FAF1: variants seen among roughly 807,000 people sequenced by gnomAD.
FAF1 encodes FAS-associated factor 1.
In FAF1, 25 loss-of-function variants were observed where a neutral mutation model predicts 92.5. The ratio of observed to expected loss-of-function variants is 0.27; its 90% CI spans 0.20 to 0.38. FAF1 has a LOEUF of 0.38. Among genes scored for constraint, FAF1 ranks in the 10% least tolerant of loss-of-function variants. The pLI is 1.00. For synonymous variants in FAF1, 234 were observed against 273.2 expected, an observed-to-expected ratio of 0.86 and a Z score of 1.42; for missense variants, 636 against 793.3, an observed-to-expected ratio of 0.80 and a Z score of 2.38.
In FAF1 at chr1:50,737,250, A is replaced by G. The variant is rs544518817; in HGVS notation, c.551+1613T>C. Among the ~76,000 whole-genome samples the G allele has an allele frequency of 2.6e-5, 4 of 152,304 alleles. No individual in the cohort carries two copies. In the South Asian group the frequency reaches 8.3e-4, roughly 32 times the overall value. Reference sequence around the variant, plus strand: ...CAGCACTGTAGACTCCTGCTTGCCTAGGGAGTGAGTGACTGGCAATCAAAC... The same window carrying G: ...CAGCACTGTAGACTCCTGCTTGCCTGGGGAGTGAGTGACTGGCAATCAAAC... On this transcript the variant is annotated intron_variant, in intron 6 of 18. Transcript: ENST00000396153.
chr1:50,518,875 C>G (rs1242739275), intron 15 of FAF1, among the ~76,000 whole-genome samples: 1 of 152,192 alleles, frequency 6.6e-6, no homozygotes, highest in Non-Finnish European at 1.5e-5. Context: ...GGCTGAACCA[C>G]TTTGTATTCT....
chr1:50,839,050 G>A (rs953982327), intron 2 of FAF1, among the ~76,000 whole-genome samples: 3 of 151,956 alleles, frequency 2.0e-5, no homozygotes, highest in Admixed American at 1.3e-4. Context: ...TTTTTGATGT[G>A]ATCAGAGCAC....
chr1:50,737,193 G>A (rs1263860479), intron 6 of FAF1, among the ~76,000 whole-genome samples: 2 of 152,108 alleles, frequency 1.3e-5, no homozygotes, highest in African/African-American at 4.8e-5. Context: ...GCTAGATAAA[G>A]TACTCATTCT....
chr1:50,757,101 T>C (rs1007763446), intron 4 of FAF1, among the ~76,000 whole-genome samples: 9 of 152,248 alleles, frequency 5.9e-5, no homozygotes, highest in African/African-American at 1.7e-4. Context: ...CTTAATTCCA[T>C]TGTTGCCAGA....
At chr1:50,518,068 C>T (rs563302625) in intron 15 of FAF1, among the ~76,000 whole-genome samples, 2 of 152,272 alleles carry the variant, frequency 1.3e-5, no homozygotes, top group East Asian at 1.9e-4. Context: ...AATCAGGATA[C>T]GAAACAGTTT....
chr1:50,789,356 G>GT (rs1661483420), intron 3 of FAF1, among the ~76,000 whole-genome samples: 1 of 152,134 alleles, frequency 6.6e-6, no homozygotes, highest in Admixed American at 6.5e-5. Flanking sequence ...CTGGTACTTA[G>GT]TAAGATCCCG....
chr1:50,660,404 T>C (rs144526265), intron 7 of FAF1, among the ~76,000 whole-genome samples: 38 of 152,276 alleles, frequency 2.5e-4, no homozygotes, highest in African/African-American at 8.2e-4. Flanking sequence ...ATTTTAAATG[T>C]CATTCAGGTA....
chr1:50,473,801 CAGAGGGGATATTA>C (rs1464219881), intron 18 of FAF1, among the ~76,000 whole-genome samples: 2 of 152,148 alleles, frequency 1.3e-5, no homozygotes, highest in African/African-American at 4.8e-5. Flanking sequence ...TCATTCCACC[CAGAGGGGATATTA>C]CTAGTTTCTG....
chr1:50,600,871 A>G (rs1469506526), intron 8 of FAF1, among the ~76,000 whole-genome samples: 2 of 152,198 alleles, frequency 1.3e-5, no homozygotes, highest in East Asian at 3.8e-4. Context: ...TATTTATATT[A>G]ACATGTAATT....
rs1427864480 is a variant in FAF1 at position 50,564,990 on chromosome 1, C to T, written c.1268+2087G>A. Among the ~76,000 whole-genome samples, 21 of 151,062 alleles carry T rather than the reference C, an allele frequency of 1.4e-4. 1 individual carries two copies. The highest frequency in any genetic ancestry group is 1.4e-3 in the Admixed American group (21 of 15,200). ...TATTACTTGCTTTTTAATTTTTTGA[C>T]ATTTTAAAAAAACTTTTATGTTTGG... On this transcript the variant is annotated intron_variant, in intron 13 of 18. Transcript: ENST00000396153.
intron 1 of FAF1, among the ~76,000 whole-genome samples, chr1:50,887,791 T>A (rs932745511): frequency 6.6e-6 from 1 of 152,230 alleles, no homozygotes; most frequent in Non-Finnish European, 1.5e-5. Flanking sequence ...CTTTGCAGTA[T>A]AGTTTCAAGT....
At chr1:50,949,211 T>G (rs1645195292) in intron 1 of FAF1, among the ~76,000 whole-genome samples, 1 of 152,220 alleles carries the variant, frequency 6.6e-6, no homozygotes, top group Admixed American at 6.5e-5. Flanking sequence ...CCAGACCCAC[T>G]GAGTCAGAAA....
At chr1:50,688,216 T>C (rs530706309) in intron 7 of FAF1, among the ~76,000 whole-genome samples, 1 of 151,730 alleles carries the variant, frequency 6.6e-6, no homozygotes, top group Admixed American at 6.6e-5. Context: ...GGTTAGTACA[T>C]GGAGAAATGG....
intron 7 of FAF1, among the ~76,000 whole-genome samples, chr1:50,694,553 G>A (rs1388532860): frequency 6.8e-6 from 1 of 147,632 alleles, no homozygotes; most frequent in Non-Finnish European, 1.5e-5. Context: ...ACTATAGCCA[G>A]GAAAAAAAAA....
chr1:50,475,388 G>A, intron 18 of FAF1, 76 bp downstream of exon 18: 1 of 1,194,192 alleles, frequency 8.4e-7, no homozygotes. Flanking sequence ...GACTTTTCTT[G>A]AACTACTTTG....
At chr1:50,666,041 G>A (rs1303512855) in intron 7 of FAF1, among the ~76,000 whole-genome samples, 1 of 151,694 alleles carries the variant, frequency 6.6e-6, no homozygotes, top group Non-Finnish European at 1.5e-5. Flanking sequence ...GCTAGGCGTG[G>A]TGGTGCATCC....
At chr1:50,843,378 T>C (rs1316154953) in intron 2 of FAF1, among the ~76,000 whole-genome samples, 1 of 152,188 alleles carries the variant, frequency 6.6e-6, no homozygotes. Flanking sequence ...CTCAAACATT[T>C]ATCATTTATT....
intron 15 of FAF1, among the ~76,000 whole-genome samples, chr1:50,520,803 C>A (rs980051439): frequency 9.9e-5 from 15 of 152,160 alleles, no homozygotes; most frequent in Non-Finnish European, 1.9e-4. Context: ...CCTGACTGTG[C>A]CACTGCACTC....
At chr1:50,512,834 C>T (rs1647154659) in intron 15 of FAF1, among the ~76,000 whole-genome samples, 1 of 152,138 alleles carries the variant, frequency 6.6e-6, no homozygotes, top group African/African-American at 2.4e-5. Flanking sequence ...GCAGTATGGC[C>T]ATTTTCATGA....
Sources: gnomAD v4.1 joint callset for allele counts (sites outside exome capture counted in the v4.1 genomes callset) on GRCh38, gnomAD v4.1.1 for gene constraint, MANE v1.5 for transcripts, NCBI Gene and HGNC (gene_info 2026-07-23, HGNC 2026-07-21) for gene names.